DNAH2: variants seen among roughly 807,000 people sequenced by gnomAD.
DNAH2 encodes the protein dynein axonemal heavy chain 2, also known as axonemal beta dynein heavy chain 2.
In DNAH2, 323 loss-of-function variants were observed where a neutral mutation model predicts 523.5. That is an observed-to-expected ratio of 0.62 (90% CI 0.56 to 0.68). The LOEUF (loss-of-function observed/expected upper bound fraction) is 0.68, where lower values mean the gene tolerates loss of function less well. Among genes scored for constraint, DNAH2 ranks in the 30% least tolerant of loss-of-function variants. The probability of loss-of-function intolerance (pLI) is 0.00; values close to 1 mark genes in which losing one functional copy is unlikely to be tolerated. For synonymous variants in DNAH2, 2,093 were observed against 2,177.4 expected (o/e 0.96, Z 1.08); for missense variants, 4,907 against 5,701.5 (o/e 0.86, Z 4.49).
Position 7,738,414 on chromosome 17 carries a change from C to T in DNAH2, c.1170+1156C>T, listed in dbSNP as rs549558022. 2.0e-5 allele frequency among the ~76,000 whole-genome samples: 3 copies of T among 152,272 alleles called. 1 individual carries two copies. Among genetic ancestry groups the T allele is most frequent in the African/African-American group, 7.2e-5 (3 of 41,546 alleles). On this transcript the variant is annotated intron_variant, in intron 8 of 85. Transcript: ENST00000572933. ...GCGCGATCTCAGCTCACTGCAAGCT[C>T]AGCCTCCGAGGTTCATGCCATTCTC...
intron 22 of DNAH2, 140 bp from the exon 23 acceptor site, chr17:7,767,760 G>GA: frequency 9.1e-7 from 1 of 1,102,514 alleles, no homozygotes; most frequent in South Asian, 1.7e-5. Context: ...ACAGAGTGGA[G>GA]AAAAATATGT....
At position 7,786,415 on chromosome 17, in the gene DNAH2, G is replaced by T; in HGVS notation, c.6348+73G>T. The T allele has an allele frequency of 6.5e-7, 1 of 1,548,866 alleles. No homozygotes were observed. Among genetic ancestry groups the T allele is most frequent in the South Asian group, 1.2e-5 (1 of 85,398 alleles). On this transcript the variant is annotated intron_variant, in intron 40 of 85. Coordinates refer to ENST00000572933, the MANE Select transcript of DNAH2 (RefSeq NM_020877.5). The surrounding 1 kb of genome is among the most constrained non-coding windows in gnomAD (Gnocchi z 7.5). ...AGAAGACAATGGAGGGTGGGGGCCA[G>T]GGAGGACCTTGCAAGGCCGGGAGAG...
In DNAH2 at chr17:7,757,106, C is replaced by A. The variant is rs866808326; in HGVS notation, c.1920C>A (p.Leu640=). 7 of 1,614,154 alleles carry A rather than the reference C, an allele frequency of 4.3e-6. No homozygotes were observed. Among genetic ancestry groups the A allele is most frequent in the Non-Finnish European group, 5.9e-6 (7 of 1,180,028 alleles). The change falls in exon 13 of 86, where the codon CTC becomes CTA. Residue 640 remains leucine, a synonymous_variant. Coordinates refer to ENST00000572933, the MANE Select transcript of DNAH2 (RefSeq NM_020877.5). ...TCTCTCAAAGGTCCCTTCTGATTCT[C>A]TTTGCGGAAATTGACTACTGGGAGC... ...DVNFDKSLLI[L]FAEIDYWERL... is the part of the protein sequence containing the mutation.
intron 72 of DNAH2, among the ~76,000 whole-genome samples, chr17:7,819,728 G>T (rs1352044224): frequency 1.3e-5 from 2 of 152,158 alleles, no homozygotes; most frequent in African/African-American, 4.8e-5. Flanking sequence ...TGCAGGTCTG[G>T]GGTGGGGCCT....
At chr17:7,722,004 T>C (rs1196778943) in intron 2 of DNAH2, among the ~76,000 whole-genome samples, 1 of 152,150 alleles carries the variant, frequency 6.6e-6, no homozygotes, top group Non-Finnish European at 1.5e-5. Context: ...GTTTGTTTTA[T>C]TTTTATTTTT....
chr17:7,775,705 GAA>G lies in DNAH2; in HGVS notation c.4822-305_4822-304del, dbSNP rs34099534. ...CGTCTCAAAACCAAAAAAAAAAAAA[GAA>G]AAAAAAAAAAAAAGAAAGTTCAACT... On this transcript the variant is annotated intron_variant, in intron 30 of 85. Transcript: ENST00000572933. Among the ~76,000 whole-genome samples, 176 of 123,008 alleles carry G rather than the reference GAA, an allele frequency of 1.4e-3. 1 individual carries two copies. The highest frequency in any genetic ancestry group is 9.7e-3 in the East Asian group (41 of 4,226). 80.7% of individuals were successfully genotyped at this position (123,008 alleles called of 152,430 possible).
At chr17:7,823,367 G>GAC in intron 73 of DNAH2, 75 bp from the exon 74 acceptor site, 4 of 1,449,390 alleles carry the variant, frequency 2.8e-6, no homozygotes, top group Non-Finnish European at 2.8e-6. Flanking sequence ...GAGAGAGAGA[G>GAC]AGAGGAGAAA....
chr17:7,719,866 A>G lies in DNAH2; in HGVS notation c.132A>G (p.Pro44=). The part of the protein sequence containing the change: ...EQGNAPAVSE[P]ELQAELPKEE... ...GGAATGCCCCGGCTGTCAGTGAGCC[A>G]GAGCTGCAGGCTGAGCTCCCCAAGG... is the stretch of plus-strand genomic sequence containing the variant. Residue 44 remains proline (P), a synonymous_variant, in exon 2 of 86, where the codon CCA becomes CCG. Coordinates refer to ENST00000572933, the MANE Select transcript of DNAH2 (RefSeq NM_020877.5). 2 of 1,587,648 alleles carry G rather than the reference A, an allele frequency of 1.3e-6. No individual in the cohort carries two copies. The highest frequency in any genetic ancestry group is 1.7e-6 in the Non-Finnish European group (2 of 1,166,894).
intron 25 of DNAH2, 31 bp from the exon 26 acceptor site, chr17:7,770,526 G>T: frequency 1.2e-6 from 2 of 1,613,484 alleles, no homozygotes; most frequent in South Asian, 2.2e-5. Flanking sequence ...AGAGATACCT[G>T]ACTGCTGTGT....
At position 7,780,516 on chromosome 17, in the gene DNAH2, C is replaced by A; in HGVS notation, c.5851-114C>A. On this transcript the variant is annotated intron_variant, in intron 37 of 85. Transcript: ENST00000572933. The surrounding 1 kb of genome is among the most constrained non-coding windows in gnomAD (Gnocchi z 4.4). ...TTTCCTCAGGAGAATCCATAGAGTG[C>A]CTCCTAGCTGCTTCATGTCCTGGGA... The A allele has an allele frequency of 6.8e-7, 1 of 1,479,134 alleles. No individual in the cohort carries two copies. Among genetic ancestry groups the A allele is most frequent in the Non-Finnish European group, 9.2e-7 (1 of 1,085,226 alleles). 91.6% of individuals were successfully genotyped at this position (1,479,134 alleles called of 1,614,324 possible).
At chr17:7,727,361 A>T in intron 4 of DNAH2, 69 bp downstream of exon 4, 1 of 1,552,200 alleles carries the variant, frequency 6.4e-7, no homozygotes, top group Non-Finnish European at 8.7e-7. Context: ...TTCCTTCATC[A>T]TCCTTAAGTC....
In DNAH2 at chr17:7,759,296, C is replaced by T. The variant is rs2151195265; in HGVS notation, c.2449-126C>T. ...CCTTCAGTCCTCACACCTCTTCCTCCAGGACTCAGCGTCCTGCGTTTCCAT... is the reference window on the plus strand; with the variant it reads ...CCTTCAGTCCTCACACCTCTTCCTCTAGGACTCAGCGTCCTGCGTTTCCAT... On this transcript the variant is annotated intron_variant, in intron 15 of 85. Coordinates refer to ENST00000572933, the MANE Select transcript of DNAH2 (RefSeq NM_020877.5). 4.2e-6 allele frequency: 6 copies of T among 1,437,362 alleles called. No homozygotes were observed. The East Asian group carries it at 9.5e-5, about 23-fold the overall frequency. The allele number at this position is 1,437,362 out of a possible 1,614,324, so 89.0% of individuals were successfully genotyped here. A position where few individuals can be genotyped will look rare whatever the true frequency, so the allele number is the denominator to read the frequency against.
At chr17:7,728,339 C>T (rs1260228780) in intron 4 of DNAH2, among the ~76,000 whole-genome samples, 1 of 152,070 alleles carries the variant, frequency 6.6e-6, no homozygotes, top group Non-Finnish European at 1.5e-5. Context: ...ACTTAAAAGG[C>T]TGTTGCTTTG....
In DNAH2 at chr17:7,823,894, A is replaced by G; in HGVS notation, c.11390A>G (p.Gln3797Arg). 1 of 1,614,128 alleles carries G rather than the reference A, an allele frequency of 6.2e-7. No homozygotes were observed. ...ATGCTGATCGTTCGCTCCCTGCGCC[A>G]GGACCGCGTGGCCTTCTGCGTGACC... ...QRMLIVRSLR[Q>R]DRVAFCVTSF... Residue 3797 changes from glutamine to arginine, a missense_variant, in exon 75 of 86, where the codon CAG (glutamine) becomes CGG (arginine). Gln to Arg is a conservative substitution (Grantham distance 43). This residue lies in a region of DNAH2 where 1,851 missense variants were observed against 2,139.4 expected (regional missense o/e 0.87). Transcript: ENST00000572933.
Position 7,763,996 on chromosome 17 carries a change from G to T in DNAH2, c.3144G>T (p.Leu1048=), listed in dbSNP as rs1426898271. ...LLREMAAGRL[L]ELHTYLKENA... ...GGGAGATGGCTGCTGGGCGCCTCCT[G>T]GAGCTGCACACCTACCTGAAGGAGA... Residue 1048 remains leucine (L), a synonymous_variant, in exon 19 of 86, where the codon CTG becomes CTT. Transcript: ENST00000572933. 6.2e-7 allele frequency: 1 copy of T among 1,614,218 alleles called. No homozygotes were observed. Among genetic ancestry groups the T allele is most frequent in the Admixed American group, 1.7e-5 (1 of 60,026 alleles).
In DNAH2 at chr17:7,778,313, G is replaced by A; in HGVS notation, c.5385G>A (p.Leu1795=). Residue 1795 remains leucine (L), a synonymous_variant, in exon 35 of 86, where the codon CTG becomes CTA. Coordinates refer to ENST00000572933, the MANE Select transcript of DNAH2 (RefSeq NM_020877.5). ...TGACACTGACCACGGCATTGCACCTGCACCGAGGGGGCTCCCCCAAAGGCC... is the reference window on the plus strand; with the variant it reads ...TGACACTGACCACGGCATTGCACCTACACCGAGGGGGCTCCCCCAAAGGCC... ...CYMTLTTALH[L]HRGGSPKGPA... The A allele has an allele frequency of 1.2e-6, 2 of 1,614,204 alleles. No homozygotes were observed. Among genetic ancestry groups the A allele is most frequent in the Non-Finnish European group, 1.7e-6 (2 of 1,180,014 alleles).
intron 16 of DNAH2, 56 bp from the exon 17 acceptor site, chr17:7,759,735 G>A: frequency 6.2e-7 from 1 of 1,610,800 alleles, no homozygotes. Context: ...CTGCTGAAGT[G>A]TGTGACCTTC....
chr17:7,743,206 C>G (rs776405466), intron 12 of DNAH2, 64 bp downstream of exon 12: 5 of 1,517,252 alleles, frequency 3.3e-6, no homozygotes, highest in Non-Finnish European at 4.5e-6. Context: ...AAGAATTTCA[C>G]TCCCATCTTT....
In DNAH2 at chr17:7,755,963, G is replaced by A. The variant is rs2075824001; in HGVS notation, c.1905-1128G>A. On this transcript the variant is annotated intron_variant, in intron 12 of 85. Transcript: ENST00000572933. ...TTTAATAAAGAAAAAAAGGCCAGGA[G>A]TGGTGGCTCATGCCTGTAATCCCAG... Among the ~76,000 whole-genome samples, 3 of 151,960 alleles carry A rather than the reference G, an allele frequency of 2.0e-5. 1 individual carries two copies. In the South Asian group the frequency reaches 6.2e-4, roughly 32 times the overall value.
Sources: gnomAD v4.1 joint callset for allele counts (sites outside exome capture counted in the v4.1 genomes callset) on GRCh38, gnomAD v4.1.1 for gene constraint, gnomAD v4.1.1 regional missense constraint, Gnocchi (gnomAD v3.1) non-coding constraint, MANE v1.5 for transcripts, NCBI Gene and HGNC (gene_info 2026-07-23, HGNC 2026-07-21) for gene names.